The following CELF2 variants were observed in gnomAD, a reference collection of about 807,000 sequenced individuals.
CELF2 encodes the protein CUG triplet repeat RNA-binding protein 2.
In CELF2, 8 loss-of-function variants were observed where a neutral mutation model predicts 62.6. The ratio of observed to expected loss-of-function variants is 0.13; its 90% CI spans 0.07 to 0.23. The LOEUF (loss-of-function observed/expected upper bound fraction) is 0.23. CELF2 is among the 10% of genes least tolerant of loss of function. CELF2 has a pLI of 1.00. For synonymous variants in CELF2, 258 were observed against 250.0 expected, an observed-to-expected ratio of 1.03 and a Z score of -0.30; for missense variants, 333 against 671.0, an observed-to-expected ratio of 0.50 and a Z score of 5.56.
the CELF2 span, among the ~76,000 whole-genome samples, chr10:10,782,742 G>C: frequency 1.3e-5 from 2 of 152,130 alleles, no homozygotes; most frequent in African/African-American, 4.8e-5. Flanking sequence ...ACCTTCCTTT[G>C]CTCTCTTGTG....
At chr10:10,975,900 G>T (rs560378777) in intron 2 of CELF2, among the ~76,000 whole-genome samples, 3 of 152,188 alleles carry the variant, frequency 2.0e-5, no homozygotes, top group Non-Finnish European at 4.4e-5. Context: ...CTTGGCAATG[G>T]TATTTATACT....
chr10:11,084,896 A>G (rs942540317), intron 1 of CELF2, among the ~76,000 whole-genome samples: 2 of 152,200 alleles, frequency 1.3e-5, no homozygotes, highest in Non-Finnish European at 2.9e-5. Context: ...AATAAACCCA[A>G]TGATCCTCTT....
rs573201651 is a variant in CELF2 at position 10,924,431 on chromosome 10, A to C, written c.89+4432A>C. Among the ~76,000 whole-genome samples, 4 of 152,260 alleles carry C rather than the reference A, an allele frequency of 2.6e-5. No homozygotes were observed. The South Asian group carries it at 8.3e-4, about 32-fold the overall frequency. On this transcript the variant is annotated intron_variant, in intron 2 of 13. Coordinates refer to the CELF2 transcript ENST00000636488. ...AACAGAGTCCACTGTTTTTCAACAT[A>C]AACTAAACAGTTTAGAAAATGAAGG...
At chr10:10,694,936 A>G in the CELF2 span, among the ~76,000 whole-genome samples, 2 of 151,156 alleles carry the variant, frequency 1.3e-5, no homozygotes, top group East Asian at 3.9e-4. Context: ...TCCTGAATAC[A>G]GCACACTGAT....
At chr10:10,535,698 G>A in the CELF2 span, among the ~76,000 whole-genome samples, 88 of 152,194 alleles carry the variant, frequency 5.8e-4, 1 homozygote, top group East Asian at 0.012. Context: ...CAGCCTGGGC[G>A]ACAGAGTGAG....
intron 2 of CELF2, among the ~76,000 whole-genome samples, chr10:10,945,745 C>G (rs988378317): frequency 7.2e-5 from 11 of 152,194 alleles, no homozygotes; most frequent in African/African-American, 2.7e-4. Flanking sequence ...ATTGATCCCA[C>G]ACACCTAATG....
At chr10:11,123,574 A>G (rs2058149941) in intron 1 of CELF2, among the ~76,000 whole-genome samples, 1 of 152,050 alleles carries the variant, frequency 6.6e-6, no homozygotes, top group African/African-American at 2.4e-5. Context: ...ATAGGTGGTG[A>G]GGGTTAAGAG....
At chr10:10,563,924 G>A in the CELF2 span, among the ~76,000 whole-genome samples, 3 of 152,228 alleles carry the variant, frequency 2.0e-5, no homozygotes, top group Non-Finnish European at 2.9e-5. Flanking sequence ...GTTGATTTAA[G>A]TGTAATGTAT....
At chr10:11,192,478 C>T (rs1318458928) in intron 2 of CELF2, among the ~76,000 whole-genome samples, 1 of 152,224 alleles carries the variant, frequency 6.6e-6, no homozygotes, top group Non-Finnish European at 1.5e-5. Context: ...GAGACCACAG[C>T]GTCAGCTGCT....
At chr10:11,327,918 C>T (rs767507920) in intron 12 of CELF2, among the ~76,000 whole-genome samples, 7 of 152,142 alleles carry the variant, frequency 4.6e-5, no homozygotes, top group African/African-American at 9.7e-5. Flanking sequence ...GAACAGCTGA[C>T]GTTTAGACCT....
At chr10:10,557,195 TG>T in the CELF2 span, among the ~76,000 whole-genome samples, 2 of 135,076 alleles carry the variant, frequency 1.5e-5, no homozygotes, top group Admixed American at 1.5e-4. Flanking sequence ...TAATCCATCT[TG>T]AATTGATTTT....
At chr10:10,772,142 G>A in the CELF2 span, among the ~76,000 whole-genome samples, 287 of 152,114 alleles carry the variant, frequency 1.9e-3, 2 homozygotes, top group African/African-American at 5.0e-3. Context: ...GTACCTTACC[G>A]GAAGTATTAT....
intron 1 of CELF2, among the ~76,000 whole-genome samples, chr10:10,889,378 C>G (rs1280809273): frequency 3.9e-5 from 6 of 152,178 alleles, no homozygotes; most frequent in African/African-American, 7.2e-5. Context: ...CAGCATGATA[C>G]AAAACAGTGA....
intron 1 of CELF2, among the ~76,000 whole-genome samples, chr10:11,163,261 A>G (rs7909331): frequency 0.21 from 32,326 of 152,174 alleles, 4,081 homozygotes; most frequent in African/African-American, 0.35. Flanking sequence ...CGGCAGCCCC[A>G]TTTTTTGAAC....
chr10:10,575,378 C>T, the CELF2 span, among the ~76,000 whole-genome samples: 16 of 152,252 alleles, frequency 1.1e-4, no homozygotes, highest in East Asian at 2.7e-3. Flanking sequence ...TGTCAATTGA[C>T]GTTTTATATA....
chr10:10,810,473 C>A (rs555440362), intron 1 of CELF2, among the ~76,000 whole-genome samples: 1 of 152,082 alleles, frequency 6.6e-6, no homozygotes, highest in Admixed American at 6.6e-5. Context: ...TTTGGGATCC[C>A]TAAGTCCCTT....
intron 2 of CELF2, among the ~76,000 whole-genome samples, chr10:11,180,497 T>C (rs1320808025): frequency 6.6e-6 from 1 of 152,188 alleles, no homozygotes; most frequent in Non-Finnish European, 1.5e-5. Context: ...ACCGACACCG[T>C]ACTCAGTCTC....
intron 1 of CELF2, among the ~76,000 whole-genome samples, chr10:10,891,993 T>C (rs1473142817): frequency 3.9e-5 from 6 of 152,202 alleles, no homozygotes; most frequent in Non-Finnish European, 7.3e-5. Context: ...CTTTAAAATA[T>C]GTTTGCCTTA....
rs540627005 is a variant in CELF2, at chr10:10,872,979, C to T, written c.54-46985C>T. Among the ~76,000 whole-genome samples the T allele has an allele frequency of 2.6e-5, 4 of 152,136 alleles. No individual in the cohort carries two copies. The East Asian group carries it at 5.8e-4, about 22-fold the overall frequency. On this transcript the variant is annotated intron_variant, in intron 1 of 13. Coordinates refer to the CELF2 transcript ENST00000636488. The stretch of plus-strand genomic sequence containing the variant: ...CTTGGTGGTTAAAATAAAACATAAA[C>T]TTTCACCATTCAAGTTTCTCCCTTG...
Sources: gnomAD v4.1 joint callset for allele counts (sites outside exome capture counted in the v4.1 genomes callset) on GRCh38, gnomAD v4.1.1 for gene constraint, MANE v1.5 for transcripts, NCBI Gene and HGNC (gene_info 2026-07-23, HGNC 2026-07-21) for gene names.